IFT43: variants seen among roughly 807,000 people sequenced by gnomAD.
IFT43 encodes intraflagellar transport 43.
IFT43 carries 33 observed loss-of-function variants against 32.3 expected under a neutral mutation model. That is an observed-to-expected ratio of 1.02 (90% CI 0.77 to 1.37). IFT43 has a LOEUF of 1.37. IFT43 is among the 40% of genes most tolerant of loss of function. The pLI is 0.00. For missense variants in IFT43, 274 were observed against 265.9 expected, an observed-to-expected ratio of 1.03 and a Z score of -0.21; for synonymous variants, 93 against 98.2, an observed-to-expected ratio of 0.95 and a Z score of 0.31.
At chr14:75,989,860 G>A (rs892444222) in intron 2 of IFT43, among the ~76,000 whole-genome samples, 2 of 152,176 alleles carry the variant, frequency 1.3e-5, no homozygotes, top group Non-Finnish European at 2.9e-5. Flanking sequence ...CAAATGAACC[G>A]GGTACCTGAC....
intron 5 of IFT43, among the ~76,000 whole-genome samples, chr14:76,074,918 G>A (rs1223210697): frequency 6.6e-6 from 1 of 152,210 alleles, no homozygotes; most frequent in East Asian, 1.9e-4. Context: ...AGCTTAGGGG[G>A]CTGTGAGGAG....
Position 76,082,335 on chromosome 14 carries a change from A to C in IFT43, c.336A>C (p.Glu112Asp). The change falls in exon 6 of 9, where the codon GAA becomes GAC. Residue 112 changes from glutamate to aspartate, a missense_variant. Glu to Asp is a conservative substitution (Grantham distance 45). Coordinates refer to ENST00000314067, the MANE Select transcript of IFT43 (RefSeq NM_001102564.3). ...IIPDLEEVQEEDFVLQVAAPP... is the reference protein window; with the variant it reads ...IIPDLEEVQEDDFVLQVAAPP... ...CGGATCTGGAGGAAGTACAGGAAGA[A>C]GACTTTGTTTTGCAGGTGGCAGCCC... 1 of 1,613,878 alleles carries C rather than the reference A, an allele frequency of 6.2e-7. No homozygotes were observed. Among genetic ancestry groups the C allele is most frequent in the East Asian group, 2.2e-5 (1 of 44,894 alleles).
chr14:76,029,609 C>T (rs1483272902), intron 3 of IFT43, among the ~76,000 whole-genome samples: 1 of 152,096 alleles, frequency 6.6e-6, no homozygotes, highest in Admixed American at 6.5e-5. Context: ...ACATTTAAGT[C>T]GTTGATCCAT....
At chr14:76,077,359 G>A (rs2037429880) in intron 5 of IFT43, among the ~76,000 whole-genome samples, 1 of 152,178 alleles carries the variant, frequency 6.6e-6, no homozygotes, top group South Asian at 2.1e-4. Flanking sequence ...ACTCAGTAGC[G>A]ATTCTAACTG....
chr14:76,060,453 A>G (rs1426420335), intron 5 of IFT43, among the ~76,000 whole-genome samples: 1 of 152,090 alleles, frequency 6.6e-6, no homozygotes, highest in African/African-American at 2.4e-5. Flanking sequence ...ACCTGACCTC[A>G]AGTGATCCTC....
chr14:76,081,833 G>T (rs982149940), intron 5 of IFT43, among the ~76,000 whole-genome samples: 1 of 152,158 alleles, frequency 6.6e-6, no homozygotes, highest in Admixed American at 6.5e-5. Flanking sequence ...AGAGATCTGG[G>T]TCATGAGGAG....
chr14:76,045,172 C>T (rs903426086), intron 3 of IFT43, among the ~76,000 whole-genome samples: 1 of 152,164 alleles, frequency 6.6e-6, no homozygotes, highest in African/African-American at 2.4e-5. Context: ...CTCACTCATC[C>T]TCCTTCTTTA....
chr14:76,057,549 T>C (rs1379114240), intron 3 of IFT43, among the ~76,000 whole-genome samples: 1 of 51,898 alleles, frequency 1.9e-5, no homozygotes, highest in Non-Finnish European at 4.1e-5. Flanking sequence ...TATTTTTTAA[T>C]TGACAAAAAA....
At chr14:76,014,267 A>T (rs185436472) in intron 2 of IFT43, 4 of 157,664 alleles carry the variant, frequency 2.5e-5, no homozygotes, top group African/African-American at 9.6e-5. Context: ...CTAATTTTCC[A>T]TAGTTTTCTT....
At chr14:76,025,109 A>T (rs1443333046) in intron 3 of IFT43, among the ~76,000 whole-genome samples, 1 of 152,218 alleles carries the variant, frequency 6.6e-6, no homozygotes, top group Admixed American at 6.5e-5. Context: ...TACCAGTGGG[A>T]TGGCCAGTGA....
At chr14:76,018,402 A>G (rs1410727457) in intron 2 of IFT43, among the ~76,000 whole-genome samples, 2 of 151,990 alleles carry the variant, frequency 1.3e-5, no homozygotes, top group African/African-American at 4.8e-5. Context: ...TTCCATTGTC[A>G]TCTGAAAGAT....
chr14:76,059,287 A>T, intron 4 of IFT43, 40 bp from the exon 5 acceptor site: 1 of 1,613,610 alleles, frequency 6.2e-7, no homozygotes, highest in Non-Finnish European at 8.5e-7. Flanking sequence ...CGTGTTTGAA[A>T]CTCATTTTTT....
At chr14:76,044,180 C>T (rs1245642515) in intron 3 of IFT43, among the ~76,000 whole-genome samples, 1 of 151,846 alleles carries the variant, frequency 6.6e-6, no homozygotes, top group Non-Finnish European at 1.5e-5. Flanking sequence ...GCTGGGATTA[C>T]AGGCATGTAC....
intron 2 of IFT43, among the ~76,000 whole-genome samples, chr14:76,006,810 A>G (rs1039989045): frequency 1.3e-5 from 2 of 152,030 alleles, no homozygotes; most frequent in African/African-American, 4.8e-5. Context: ...AGTTTGGGAA[A>G]CAGTTCTAGA....
chr14:76,037,928 C>T lies in IFT43; in HGVS notation c.215+15534C>T, dbSNP rs1239283912. The stretch of plus-strand genomic sequence containing the variant: ...ATTGAAAAGGGTGTCCCTGGTAGGA[C>T]GAGGCAGCTCTGATTTCCAGTAAAG... On this transcript the variant is annotated intron_variant, in intron 3 of 8. Coordinates refer to ENST00000314067, the MANE Select transcript of IFT43 (RefSeq NM_001102564.3). Among the ~76,000 whole-genome samples the T allele has an allele frequency of 5.3e-5, 8 of 152,258 alleles. No homozygotes were observed. In the South Asian group the frequency reaches 6.2e-4, roughly 12 times the overall value.
At chr14:76,065,965 A>C (rs1395486615) in intron 5 of IFT43, among the ~76,000 whole-genome samples, 1 of 152,208 alleles carries the variant, frequency 6.6e-6, no homozygotes, top group Non-Finnish European at 1.5e-5. Flanking sequence ...AGGTAACCTT[A>C]CCTAAGGTCA....
intron 5 of IFT43, among the ~76,000 whole-genome samples, chr14:76,079,989 A>G (rs564314040): frequency 6.6e-6 from 1 of 152,260 alleles, no homozygotes; most frequent in African/African-American, 2.4e-5. Context: ...CCCAGAACAT[A>G]TTATGTGCTC....
At chr14:76,054,293 T>G (rs1380797236) in intron 3 of IFT43, among the ~76,000 whole-genome samples, 1 of 152,198 alleles carries the variant, frequency 6.6e-6, no homozygotes, top group Non-Finnish European at 1.5e-5. Flanking sequence ...CTATACCATA[T>G]CGTGCCTTCC....
intron 1 of IFT43, among the ~76,000 whole-genome samples, chr14:75,987,718 A>G (rs1438286244): frequency 6.6e-6 from 1 of 152,238 alleles, no homozygotes; most frequent in Non-Finnish European, 1.5e-5. Context: ...GAGTCTGACT[A>G]AATAAAGTTT....
Sources: allele counts gnomAD v4.1 joint callset (sites outside exome capture counted in the v4.1 genomes callset), GRCh38; gene constraint gnomAD v4.1.1; transcripts MANE v1.5; gene names NCBI Gene and HGNC (gene_info 2026-07-23, HGNC 2026-07-21).